NRXN3: variants seen among roughly 807,000 people sequenced by gnomAD.
NRXN3 encodes neurexin 3.
In NRXN3, 32 loss-of-function variants were observed where a neutral mutation model predicts 137.6. The ratio of observed to expected loss-of-function variants is 0.23; its 90% CI spans 0.18 to 0.31. The LOEUF is 0.31. Among genes scored for constraint, NRXN3 ranks in the 10% least tolerant of loss-of-function variants. NRXN3 has a pLI of 1.00. For missense variants in NRXN3, 1,574 were observed against 2,062.5 expected (o/e 0.76, Z 4.59); for synonymous variants, 798 against 784.5 (o/e 1.02, Z -0.29).
At chr14:79,658,272 G>A (rs924272626) in intron 16 of NRXN3, among the ~76,000 whole-genome samples, 1 of 152,110 alleles carries the variant, frequency 6.6e-6, no homozygotes, top group South Asian at 2.1e-4. Context: ...AATATTTACT[G>A]AGCACCTATT....
At chr14:79,614,576 C>G (rs377482498) in intron 16 of NRXN3, among the ~76,000 whole-genome samples, 3 of 152,168 alleles carry the variant, frequency 2.0e-5, no homozygotes, top group African/African-American at 4.8e-5. Context: ...TCTTATTACA[C>G]TGATTTCATG....
chr14:78,474,707 A>G (rs1050854880), intron 4 of NRXN3, among the ~76,000 whole-genome samples: 4 of 152,230 alleles, frequency 2.6e-5, no homozygotes, highest in Non-Finnish European at 4.4e-5. Flanking sequence ...CAGAGAGTAG[A>G]AAGTTCCCTA....
intron 4 of NRXN3, among the ~76,000 whole-genome samples, chr14:78,307,266 C>A (rs2077463814): frequency 6.6e-6 from 1 of 151,778 alleles, no homozygotes; most frequent in Non-Finnish European, 1.5e-5. Context: ...TAGAATATGC[C>A]CATCACTATA....
At chr14:79,289,751 G>C (rs778577763) in intron 15 of NRXN3, among the ~76,000 whole-genome samples, 1 of 152,140 alleles carries the variant, frequency 6.6e-6, no homozygotes, top group South Asian at 2.1e-4. Flanking sequence ...GCTCAGATTC[G>C]GGGTTCTGTG....
intron 4 of NRXN3, among the ~76,000 whole-genome samples, chr14:78,517,906 C>A (rs1279667094): frequency 1.3e-5 from 2 of 152,076 alleles, no homozygotes; most frequent in Admixed American, 1.3e-4. Flanking sequence ...GTTGTCACTC[C>A]TCATGTATTT....
chr14:79,493,458 T>C (rs1239542605), intron 16 of NRXN3, among the ~76,000 whole-genome samples: 2 of 152,208 alleles, frequency 1.3e-5, no homozygotes, highest in Non-Finnish European at 2.9e-5. Flanking sequence ...CCTGGAATCT[T>C]CTACTGGGCA....
At position 78,624,486 on chromosome 14, in the gene NRXN3, G is replaced by C. The variant is rs113315920; in HGVS notation, c.758-20634G>C. On this transcript the variant is annotated intron_variant, in intron 4 of 20. Transcript: ENST00000335750. ...TTCCCTGAGAGCTGGCATGGCAAGA[G>C]GGGGGCGGTATGCCCACTGCACAGG... Among the ~76,000 whole-genome samples, 595 of 152,344 alleles carry C rather than the reference G, an allele frequency of 3.9e-3. 5 individuals are homozygous for C. The highest frequency in any genetic ancestry group is 0.013 in the African/African-American group (544 of 41,578).
intron 10 of NRXN3, among the ~76,000 whole-genome samples, chr14:78,819,235 C>T (rs1213212455): frequency 6.6e-6 from 1 of 152,060 alleles, no homozygotes; most frequent in East Asian, 1.9e-4. Flanking sequence ...TGTCTAATTG[C>T]TATAGTCAGA....
intron 15 of NRXN3, among the ~76,000 whole-genome samples, chr14:79,412,292 G>A (rs1483789439): frequency 1.3e-5 from 2 of 151,992 alleles, no homozygotes. Context: ...AAATAAGTAG[G>A]TTTTATTTAC....
At chr14:79,857,443 C>T (rs1357935652) in intron 20 of NRXN3, among the ~76,000 whole-genome samples, 4 of 152,124 alleles carry the variant, frequency 2.6e-5, no homozygotes, top group Admixed American at 1.3e-4. Flanking sequence ...AGGATGGTTT[C>T]GATCTCCTGA....
chr14:79,288,980 G>C (rs1423892019), intron 15 of NRXN3, among the ~76,000 whole-genome samples: 1 of 152,130 alleles, frequency 6.6e-6, no homozygotes, highest in South Asian at 2.1e-4. Context: ...GGAAAGGAGG[G>C]ATGCTAGTTT....
chr14:79,233,105 G>C (rs2072558066), intron 15 of NRXN3, among the ~76,000 whole-genome samples: 1 of 152,094 alleles, frequency 6.6e-6, no homozygotes, highest in African/African-American at 2.4e-5. Flanking sequence ...CATAAATTCT[G>C]TTACATTTCT....
chr14:79,835,237 C>T (rs56122467), intron 20 of NRXN3, among the ~76,000 whole-genome samples: 18,976 of 152,128 alleles, frequency 0.12, 1,420 homozygotes, highest in Middle Eastern at 0.22. Flanking sequence ...TAGCTTGATT[C>T]AGCCATTTCA....
intron 15 of NRXN3, among the ~76,000 whole-genome samples, chr14:79,386,529 A>T (rs145074643): frequency 6.6e-6 from 1 of 152,180 alleles, no homozygotes; most frequent in Non-Finnish European, 1.5e-5. Context: ...ATACTGCCCA[A>T]GGTAATTTAT....
At chr14:79,413,452 G>A (rs2095448265) in intron 15 of NRXN3, among the ~76,000 whole-genome samples, 1 of 152,070 alleles carries the variant, frequency 6.6e-6, no homozygotes, top group Non-Finnish European at 1.5e-5. Flanking sequence ...TGGATTCACT[G>A]TTGCTTCATA....
chr14:78,218,401 A>G (rs2063507649), intron 1 of NRXN3, among the ~76,000 whole-genome samples: 1 of 152,118 alleles, frequency 6.6e-6, no homozygotes, highest in Admixed American at 6.5e-5. Flanking sequence ...ATAAAAAATT[A>G]ATCTTATGTC....
intron 10 of NRXN3, among the ~76,000 whole-genome samples, chr14:78,828,808 T>C (rs1287792266): frequency 1.3e-5 from 2 of 152,222 alleles, no homozygotes; most frequent in Non-Finnish European, 2.9e-5. Context: ...TTATAAGATT[T>C]GCATTAACAT....
chr14:78,714,170 G>T (rs2152845856), intron 7 of NRXN3, among the ~76,000 whole-genome samples: 1 of 152,312 alleles, frequency 6.6e-6, no homozygotes, highest in African/African-American at 2.4e-5. Flanking sequence ...CCAATCTAGA[G>T]AGTACCAGTG....
Position 79,374,649 on chromosome 14 carries a change from T to C in NRXN3, c.3263-92572T>C, listed in dbSNP as rs1169993896. Among the ~76,000 whole-genome samples the C allele has an allele frequency of 2.6e-5, 4 of 152,238 alleles. No homozygotes were observed. The East Asian group carries it at 7.7e-4, about 29-fold the overall frequency. ...TTGACCTCAAGTCTTTAGACAAAGCTTAACTCTTTCAATCAATTGCCAACT... is the reference window on the plus strand; with the variant it reads ...TTGACCTCAAGTCTTTAGACAAAGCCTAACTCTTTCAATCAATTGCCAACT... On this transcript the variant is annotated intron_variant, in intron 15 of 20. Transcript: ENST00000335750.
Sources: gnomAD v4.1 joint callset for allele counts (sites outside exome capture counted in the v4.1 genomes callset) on GRCh38, gnomAD v4.1.1 for gene constraint, MANE v1.5 for transcripts, NCBI Gene and HGNC (gene_info 2026-07-23, HGNC 2026-07-21) for gene names.